The following CNTN5 variants were observed in gnomAD, a reference collection of about 807,000 sequenced individuals.
CNTN5 encodes the protein contactin 5.
Under a neutral mutation model 129.1 loss-of-function variants are expected in CNTN5, and 77 were observed. The ratio of observed to expected loss-of-function variants is 0.60; its 90% CI spans 0.50 to 0.72. CNTN5 has a LOEUF of 0.72. CNTN5 is among the 30% of genes least tolerant of loss of function. The pLI, the probability that CNTN5 is intolerant of heterozygous loss-of-function variation, is 0.00. For synonymous variants in CNTN5, 509 were observed against 465.6 expected (o/e 1.09, Z -1.20); for missense variants, 1,478 against 1,328.8 (o/e 1.11, Z -1.75).
intron 13 of CNTN5, among the ~76,000 whole-genome samples, chr11:100,110,098 G>A (rs1945593891): frequency 6.6e-6 from 1 of 151,496 alleles, no homozygotes; most frequent in Non-Finnish European, 1.5e-5. Context: ...GAGGTGGGAG[G>A]ATGGCTTGAG....
chr11:99,734,840 C>G (rs556433685), intron 3 of CNTN5, among the ~76,000 whole-genome samples: 1 of 152,058 alleles, frequency 6.6e-6, no homozygotes, highest in African/African-American at 2.4e-5. Flanking sequence ...AACCCCGTCT[C>G]TACTAAAAAT....
At chr11:99,635,236 A>T (rs1055964946) in intron 3 of CNTN5, among the ~76,000 whole-genome samples, 2 of 152,220 alleles carry the variant, frequency 1.3e-5, no homozygotes, top group South Asian at 4.1e-4. Context: ...GTTCTGAATC[A>T]AAAGCATGAA....
chr11:99,326,196 A>G (rs976828470), intron 2 of CNTN5, among the ~76,000 whole-genome samples: 3 of 152,254 alleles, frequency 2.0e-5, no homozygotes, highest in African/African-American at 7.2e-5. Context: ...TGGCACCAGT[A>G]GACGATCTTG....
chr11:99,163,806 T>C (rs1480072474), intron 1 of CNTN5, among the ~76,000 whole-genome samples: 1 of 152,216 alleles, frequency 6.6e-6, no homozygotes, highest in African/African-American at 2.4e-5. Flanking sequence ...CCTACCTTTG[T>C]TCCCATGCAG....
intron 3 of CNTN5, among the ~76,000 whole-genome samples, chr11:99,634,688 C>A (rs1212882610): frequency 1.3e-5 from 2 of 152,142 alleles, no homozygotes; most frequent in Non-Finnish European, 2.9e-5. Context: ...CTGTCAAACA[C>A]CTTACATTTG....
intron 3 of CNTN5, among the ~76,000 whole-genome samples, chr11:99,807,714 G>T (rs568789983): frequency 6.6e-6 from 1 of 152,042 alleles, no homozygotes; most frequent in Non-Finnish European, 1.5e-5. Context: ...AGAAAATTAC[G>T]TGTACAAACT....
At chr11:99,541,956 C>CAAAAAAAAAA (rs56363127) in intron 2 of CNTN5, among the ~76,000 whole-genome samples, 120 of 68,690 alleles carry the variant, frequency 1.7e-3, no homozygotes, top group Middle Eastern at 0.013. Context: ...GATCTTGTCT[C>CAAAAAAAAAA]AAAAAAAAAA....
chr11:99,081,233 C>A (rs2135282681), intron 1 of CNTN5, among the ~76,000 whole-genome samples: 3 of 152,194 alleles, frequency 2.0e-5, no homozygotes, highest in Admixed American at 2.0e-4. Context: ...GAAATAAATC[C>A]CTTTTTTGCA....
chr11:100,229,204 C>CAT (rs1324336384), intron 16 of CNTN5, among the ~76,000 whole-genome samples: 2 of 152,018 alleles, frequency 1.3e-5, no homozygotes, highest in African/African-American at 4.8e-5. Flanking sequence ...TTTACACACA[C>CAT]ACACAAAATA....
intron 13 of CNTN5, among the ~76,000 whole-genome samples, chr11:100,158,717 G>C (rs1367684298): frequency 6.6e-6 from 1 of 151,668 alleles, no homozygotes; most frequent in Admixed American, 6.6e-5. Context: ...ATGGAACAAG[G>C]GGCAACCATA....
intron 9 of CNTN5, among the ~76,000 whole-genome samples, chr11:100,045,540 A>G (rs1227846132): frequency 6.6e-6 from 1 of 152,162 alleles, no homozygotes; most frequent in African/African-American, 2.4e-5. Flanking sequence ...ATATGAAAGA[A>G]TTAAGTTTTC....
intron 2 of CNTN5, among the ~76,000 whole-genome samples, chr11:99,464,823 T>A (rs1944871348): frequency 6.6e-6 from 1 of 152,136 alleles, no homozygotes; most frequent in Admixed American, 6.5e-5. Context: ...ATAAAAATAG[T>A]TTAATCAATT....
intron 1 of CNTN5, among the ~76,000 whole-genome samples, chr11:99,034,110 G>A (rs1863563863): frequency 1.3e-5 from 2 of 152,178 alleles, no homozygotes. Context: ...TGCATCCCAA[G>A]GATGAAGCCC....
chr11:100,308,584 C>T, intron 21 of CNTN5, 116 bp downstream of exon 21: 2 of 1,424,220 alleles, frequency 1.4e-6, no homozygotes, highest in Non-Finnish European at 1.8e-6. Flanking sequence ...AAATTTTGCT[C>T]TATGTTAAAG....
At chr11:99,365,751 AC>A (rs1484342441) in intron 2 of CNTN5, among the ~76,000 whole-genome samples, 1 of 152,164 alleles carries the variant, frequency 6.6e-6, no homozygotes, top group Non-Finnish European at 1.5e-5. Context: ...CTGAAACGTA[AC>A]AGTCTCTTAG....
At chr11:100,350,556 TA>T in intron 23 of CNTN5, 145 bp from the exon 24 acceptor site, 1 of 538,336 alleles carries the variant, frequency 1.9e-6, no homozygotes. Context: ...TCTACTGCAG[TA>T]GACTGCACAT....
chr11:100,140,810 C>G (rs1214634134), intron 13 of CNTN5, among the ~76,000 whole-genome samples: 1 of 152,084 alleles, frequency 6.6e-6, no homozygotes, highest in Non-Finnish European at 1.5e-5. Flanking sequence ...AAGAAGGTTA[C>G]TATATAATTC....
chr11:99,538,522 C>T (rs770614977), intron 2 of CNTN5, among the ~76,000 whole-genome samples: 20 of 152,080 alleles, frequency 1.3e-4, no homozygotes, highest in African/African-American at 4.6e-4. Context: ...TAAAGAAACA[C>T]GTACAATTAA....
rs1225003067 is a variant in CNTN5, at chr11:100,262,922, A to AT, written c.2164+7004_2164+7005insT. 3.3e-5 allele frequency among the ~76,000 whole-genome samples: 5 copies of AT among 152,174 alleles called. No homozygotes were observed. The East Asian group carries it at 9.6e-4, about 29-fold the overall frequency. ...CCTGCACGTTCTACACATGTATCCC[A>AT]GAACTTAAAGTATAATAAAAAAAAG... On this transcript the variant is annotated intron_variant, in intron 17 of 24. Transcript: ENST00000524871.
Sources: allele counts gnomAD v4.1 joint callset (sites outside exome capture counted in the v4.1 genomes callset), GRCh38; gene constraint gnomAD v4.1.1; transcripts MANE v1.5; gene names NCBI Gene and HGNC (gene_info 2026-07-23, HGNC 2026-07-21).